Variants in AVEN observed in about 807,000 individuals in gnomAD.
AVEN encodes the protein apoptosis and caspase activation inhibitor.
In AVEN, 41 loss-of-function variants were observed where a neutral mutation model predicts 38.1. The ratio of observed to expected loss-of-function variants is 1.08; its 90% confidence interval spans 0.84 to 1.40. AVEN has a LOEUF of 1.40. AVEN is among the 40% of genes most tolerant of loss of function. The pLI is 0.00. For missense variants in AVEN, 605 were observed against 438.8 expected (o/e 1.38, Z -3.38); for synonymous variants, 206 against 171.8 (o/e 1.20, Z -1.56).
chr15:34,037,506 T>G (rs1293171801), intron 1 of AVEN, among the ~76,000 whole-genome samples: 1 of 149,438 alleles, frequency 6.7e-6, no homozygotes, highest in Non-Finnish European at 1.5e-5. Context: ...GTAGTTAATA[T>G]ATAATTACAT....
chr15:34,074,055 T>G (rs1736504599), intron 1 of AVEN, among the ~76,000 whole-genome samples: 1 of 137,924 alleles, frequency 7.3e-6, no homozygotes, highest in Non-Finnish European at 1.5e-5. Context: ...TGGAGTGCAG[T>G]GTCACAATTT....
intron 2 of AVEN, among the ~76,000 whole-genome samples, chr15:33,914,214 T>C (rs1893030524): frequency 6.6e-6 from 1 of 151,990 alleles, no homozygotes; most frequent in African/African-American, 2.4e-5. Flanking sequence ...TTTTTCTTTA[T>C]AAAGTTTGAA....
At chr15:33,925,885 A>G (rs1359945446) in intron 2 of AVEN, among the ~76,000 whole-genome samples, 1 of 152,226 alleles carries the variant, frequency 6.6e-6, no homozygotes, top group Non-Finnish European at 1.5e-5. Flanking sequence ...ATGATTATTA[A>G]GAAAACATTC....
intron 2 of AVEN, among the ~76,000 whole-genome samples, chr15:33,931,934 A>G (rs1893868254): frequency 6.6e-6 from 1 of 152,216 alleles, no homozygotes; most frequent in Non-Finnish European, 1.5e-5. Context: ...TAAAGCATCC[A>G]GAATCCTCAC....
chr15:33,993,619 T>C (rs993446955), intron 2 of AVEN, among the ~76,000 whole-genome samples: 2 of 152,112 alleles, frequency 1.3e-5, no homozygotes, highest in Admixed American at 6.5e-5. Context: ...AAATAAAAAA[T>C]TGATAATACA....
At chr15:33,962,616 G>A (rs1259257156) in intron 2 of AVEN, among the ~76,000 whole-genome samples, 1 of 152,032 alleles carries the variant, frequency 6.6e-6, no homozygotes, top group Non-Finnish European at 1.5e-5. Context: ...TTTTTAACAT[G>A]CCACATCAGA....
chr15:33,874,661 C>T (rs1891146132), intron 3 of AVEN, among the ~76,000 whole-genome samples: 1 of 152,214 alleles, frequency 6.6e-6, no homozygotes, highest in Admixed American at 6.5e-5. Flanking sequence ...GACTACAGGT[C>T]ACCGAGTGTG....
intron 2 of AVEN, among the ~76,000 whole-genome samples, chr15:33,970,944 T>C (rs1895611475): frequency 1.3e-5 from 2 of 152,112 alleles, no homozygotes; most frequent in Admixed American, 1.3e-4. Flanking sequence ...TTCACTTTCT[T>C]TCCTTTCCAA....
At chr15:34,053,674 TAACTC>T (rs1333276143) in intron 5 of AVEN, among the ~76,000 whole-genome samples, 5 of 151,918 alleles carry the variant, frequency 3.3e-5, no homozygotes, top group African/African-American at 1.2e-4. Flanking sequence ...ATACAAAAAT[TAACTC>T]AAGATGAATT....
At chr15:33,892,508 G>A (rs1372872355) in intron 2 of AVEN, among the ~76,000 whole-genome samples, 1 of 152,100 alleles carries the variant, frequency 6.6e-6, no homozygotes, top group African/African-American at 2.4e-5. Context: ...GCTTGTTTTC[G>A]TCAGGTTTGT....
Position 33,943,823 on chromosome 15 carries a change from T to TAAAA in AVEN, c.445+59205_445+59208dup, listed in dbSNP as rs71119905. On this transcript the variant is annotated intron_variant, in intron 2 of 5. Coordinates refer to ENST00000306730, the MANE Select transcript of AVEN (RefSeq NM_020371.3). ...GGGTGACAGAGCAAGACTCCGTCTT[T>TAAAA]AAAAAAAAAAAAAAAAAAAAAAAAA... 9.0e-5 allele frequency among the ~76,000 whole-genome samples: 8 copies of TAAAA among 88,866 alleles called. 1 individual carries two copies. The highest frequency in any genetic ancestry group is 2.9e-4 in the African/African-American group (7 of 24,350). 58.3% of individuals were successfully genotyped at this position (88,866 alleles called of 152,430 possible).
intron 2 of AVEN, among the ~76,000 whole-genome samples, chr15:33,950,901 C>T (rs375312297): frequency 1.3e-5 from 2 of 151,960 alleles, no homozygotes; most frequent in Admixed American, 1.3e-4. Flanking sequence ...CAGCTACTCG[C>T]GAGGCTGAGG....
the AVEN span, chr15:33,851,875 A>G: frequency 5.9e-5 from 9 of 152,222 alleles, no homozygotes; most frequent in African/African-American, 2.2e-4. Flanking sequence ...TGTACAAGGA[A>G]GAAAGTCAAA....
intron 2 of AVEN, among the ~76,000 whole-genome samples, chr15:33,988,420 T>A (rs1896572690): frequency 1.3e-5 from 2 of 152,204 alleles, no homozygotes; most frequent in Admixed American, 1.3e-4. Flanking sequence ...AGTTTCTACA[T>A]GTATAGAATA....
chr15:34,037,604 T>C (rs1011780388), intron 1 of AVEN, among the ~76,000 whole-genome samples: 52 of 150,624 alleles, frequency 3.5e-4, no homozygotes, highest in African/African-American at 1.2e-3. Context: ...TAGTGGGCAC[T>C]AGGTTGGTCT....
intron 2 of AVEN, among the ~76,000 whole-genome samples, chr15:33,887,946 A>C (rs533719647): frequency 6.6e-6 from 1 of 152,322 alleles, no homozygotes; most frequent in South Asian, 2.1e-4. Context: ...AAGCCCAACA[A>C]CACCATCAGC....
At chr15:33,961,220 C>T (rs900353225) in intron 2 of AVEN, among the ~76,000 whole-genome samples, 5 of 152,070 alleles carry the variant, frequency 3.3e-5, no homozygotes, top group South Asian at 2.1e-4. Context: ...AGGCTGGTCT[C>T]GAACTCCTGA....
chr15:33,939,990 G>A (rs1046237827), intron 2 of AVEN, among the ~76,000 whole-genome samples: 1 of 152,164 alleles, frequency 6.6e-6, no homozygotes, highest in Admixed American at 6.5e-5. Context: ...AGTTCTGAGA[G>A]AGCTTGCTTC....
chr15:34,072,704 A>T (rs1406993819), intron 1 of AVEN, among the ~76,000 whole-genome samples: 3 of 150,578 alleles, frequency 2.0e-5, no homozygotes, highest in Admixed American at 6.6e-5. Flanking sequence ...TCTGGAGTGC[A>T]GTGGCCAGAT....
Sources: gnomAD v4.1 joint callset for allele counts (sites outside exome capture counted in the v4.1 genomes callset) on GRCh38, gnomAD v4.1.1 for gene constraint, MANE v1.5 for transcripts, NCBI Gene and HGNC (gene_info 2026-07-23, HGNC 2026-07-21) for gene names.